PPP1R9A: variants seen among roughly 807,000 people sequenced by gnomAD.
PPP1R9A encodes neurabin-1.
In PPP1R9A, 59 loss-of-function variants were observed where a neutral mutation model predicts 141.9. The observed-to-expected ratio is 0.42, with a 90% confidence interval of 0.34 to 0.52. The LOEUF (loss-of-function observed/expected upper bound fraction) is 0.52. Ranked by LOEUF, PPP1R9A falls within the 20% of genes least tolerant of loss-of-function variation. PPP1R9A has a pLI of 0.10. For missense variants in PPP1R9A, 1,444 were observed against 1,611.9 expected (o/e 0.90, Z 1.78); for synonymous variants, 500 against 569.7 (o/e 0.88, Z 1.74).
chr7:94,990,961 A>T (rs1294357238), intron 2 of PPP1R9A, among the ~76,000 whole-genome samples: 2 of 151,988 alleles, frequency 1.3e-5, no homozygotes, highest in African/African-American at 4.8e-5. Flanking sequence ...CGGACACCTG[A>T]TTTAATTTCA....
At chr7:94,971,607 C>T (rs546664656) in intron 2 of PPP1R9A, among the ~76,000 whole-genome samples, 2 of 152,218 alleles carry the variant, frequency 1.3e-5, no homozygotes, top group African/African-American at 4.8e-5. Flanking sequence ...AATTATGTAC[C>T]TTTGGAACCC....
chr7:95,237,558 A>G (rs547162848), intron 8 of PPP1R9A, among the ~76,000 whole-genome samples: 2 of 152,126 alleles, frequency 1.3e-5, no homozygotes, highest in Admixed American at 6.6e-5. Flanking sequence ...TTTCTGTACT[A>G]TGGCTTATAT....
chr7:95,043,577 AC>A (rs1468041875), intron 2 of PPP1R9A, among the ~76,000 whole-genome samples: 1 of 151,892 alleles, frequency 6.6e-6, no homozygotes, highest in Non-Finnish European at 1.5e-5. Flanking sequence ...TTCTCCAGGT[AC>A]CCCCTCTAGC....
At chr7:95,269,024 T>C (rs995912990) in intron 13 of PPP1R9A, among the ~76,000 whole-genome samples, 183 bp from the exon 14 acceptor site, 5 of 152,190 alleles carry the variant, frequency 3.3e-5, no homozygotes, top group Non-Finnish European at 7.4e-5. Flanking sequence ...GTCTTAGGTA[T>C]ATGTATTAGT....
chr7:95,194,692 T>C (rs867198109), intron 5 of PPP1R9A, among the ~76,000 whole-genome samples: 1 of 148,476 alleles, frequency 6.7e-6, no homozygotes, highest in Admixed American at 6.7e-5. Context: ...GAAACAGAAA[T>C]TTAAAAGCCA....
rs565813107 is a variant in PPP1R9A, at chr7:95,085,191, T to G, written c.1396-26068T>G. Among the ~76,000 whole-genome samples the G allele has an allele frequency of 2.0e-5, 3 of 152,130 alleles. No homozygotes were observed. The South Asian group carries it at 6.2e-4, about 31-fold the overall frequency. ...CCATTAGATTTTCCTTTTCTGTGAA[T>G]GATGTGTTTATATCTTAGCCCCATT... On this transcript the variant is annotated intron_variant, in intron 2 of 19. Coordinates refer to ENST00000433360, the MANE Select transcript of PPP1R9A (RefSeq NM_001166160.2).
intron 7 of PPP1R9A, 64 bp downstream of exon 7, chr7:95,203,794 A>G: frequency 8.2e-7 from 1 of 1,213,442 alleles, no homozygotes. Context: ...AAAATTAAAT[A>G]TTCTTTGTGT....
rs1806229835 is a variant in PPP1R9A, at chr7:95,290,651, G to A, written c.*348G>A. 8.2e-6 allele frequency: 2 copies of A among 243,058 alleles called. No individual in the cohort carries two copies. Among genetic ancestry groups the A allele is most frequent in the East Asian group, 8.7e-5 (1 of 11,498 alleles). The allele number at this position is 243,058 out of a possible 1,614,324, so 15.1% of individuals were successfully genotyped here. ...CCCACCCAAGAGCATGACACACCCT[G>A]GTGTTGTTAATGGAGCGCCGTGAAT... is the stretch of plus-strand genomic sequence containing the variant. On this transcript the variant is annotated 3_prime_UTR_variant, in exon 20 of 20. Coordinates refer to ENST00000433360, the MANE Select transcript of PPP1R9A (RefSeq NM_001166160.2).
At chr7:94,927,386 G>T (rs1793615302) in intron 2 of PPP1R9A, among the ~76,000 whole-genome samples, 1 of 151,936 alleles carries the variant, frequency 6.6e-6, no homozygotes, top group African/African-American at 2.4e-5. Flanking sequence ...TAATATGAAG[G>T]TTCATTATAT....
At chr7:95,206,659 T>C (rs886743152) in intron 7 of PPP1R9A, among the ~76,000 whole-genome samples, 1 of 152,200 alleles carries the variant, frequency 6.6e-6, no homozygotes, top group African/African-American at 2.4e-5. Context: ...TTTCTCCAAT[T>C]CTAGAATGTA....
At chr7:95,221,482 T>C (rs1265795436) in intron 7 of PPP1R9A, among the ~76,000 whole-genome samples, 1 of 152,002 alleles carries the variant, frequency 6.6e-6, no homozygotes, top group East Asian at 1.9e-4. Context: ...CTCTCATGAG[T>C]GTCCCAGGCT....
chr7:95,112,657 T>G (rs1369415931), intron 3 of PPP1R9A, among the ~76,000 whole-genome samples: 1 of 152,140 alleles, frequency 6.6e-6, no homozygotes, highest in Non-Finnish European at 1.5e-5. Context: ...AATAGCAAAG[T>G]CATGGAATCA....
At chr7:95,106,391 C>A (rs1256015350) in intron 2 of PPP1R9A, among the ~76,000 whole-genome samples, 1 of 152,132 alleles carries the variant, frequency 6.6e-6, no homozygotes, top group Admixed American at 6.5e-5. Context: ...TGGGACCATA[C>A]CAATTGGGGA....
intron 2 of PPP1R9A, among the ~76,000 whole-genome samples, chr7:94,971,123 A>G (rs1485056908): frequency 6.6e-6 from 1 of 152,156 alleles, no homozygotes; most frequent in Non-Finnish European, 1.5e-5. Flanking sequence ...AAAAAAAGCA[A>G]TACTTGTAAG....
intron 2 of PPP1R9A, among the ~76,000 whole-genome samples, chr7:95,000,383 A>ATGTG (rs1802756623): frequency 6.6e-6 from 1 of 152,170 alleles, no homozygotes; most frequent in Non-Finnish European, 1.5e-5. Flanking sequence ...TCACATACAC[A>ATGTG]TATGTTTACA....
chr7:95,073,937 A>G (rs1293626510), intron 2 of PPP1R9A, among the ~76,000 whole-genome samples: 1 of 152,108 alleles, frequency 6.6e-6, no homozygotes, highest in Non-Finnish European at 1.5e-5. Flanking sequence ...CACACACGCT[A>G]TTAGGCAACA....
chr7:95,233,487 C>T (rs1796259079), intron 8 of PPP1R9A, among the ~76,000 whole-genome samples: 2 of 151,928 alleles, frequency 1.3e-5, no homozygotes, highest in African/African-American at 4.8e-5. Context: ...GCATGTTCTG[C>T]ACATGTATCC....
At chr7:95,113,995 G>A (rs1224542018) in intron 3 of PPP1R9A, among the ~76,000 whole-genome samples, 1 of 152,116 alleles carries the variant, frequency 6.6e-6, no homozygotes, top group Non-Finnish European at 1.5e-5. Context: ...AAAGAGTAAT[G>A]CTTACATTTT....
At chr7:95,206,602 T>G (rs2152892732) in intron 7 of PPP1R9A, among the ~76,000 whole-genome samples, 1 of 152,320 alleles carries the variant, frequency 6.6e-6, no homozygotes, top group African/African-American at 2.4e-5. Context: ...GTAGTCACTC[T>G]CAGCCTGAGA....
Sources: allele counts gnomAD v4.1 joint callset (sites outside exome capture counted in the v4.1 genomes callset), GRCh38; gene constraint gnomAD v4.1.1; transcripts MANE v1.5; gene names NCBI Gene and HGNC (gene_info 2026-07-23, HGNC 2026-07-21).